Variants in DOCK8 observed in about 807,000 individuals in gnomAD.
DOCK8 encodes the protein dedicator of cytokinesis 8.
In DOCK8, 141 loss-of-function variants were observed where a neutral mutation model predicts 245.6. That is an observed-to-expected ratio of 0.57 (90% CI 0.50 to 0.66). The LOEUF is 0.66. DOCK8 is among the 30% of genes least tolerant of loss of function. The pLI is 0.00. For synonymous variants in DOCK8, 1,168 were observed against 970.2 expected, an observed-to-expected ratio of 1.20 and a Z score of -3.79; for missense variants, 2,965 against 2,603.4, an observed-to-expected ratio of 1.14 and a Z score of -3.02.
At chr9:298,256 C>G (rs2049353415) in intron 4 of DOCK8, among the ~76,000 whole-genome samples, 1 of 152,116 alleles carries the variant, frequency 6.6e-6, no homozygotes, top group African/African-American at 2.4e-5. Context: ...AAAACCCCGT[C>G]TCTACTAAAA....
chr9:449,996 C>G lies in DOCK8; in HGVS notation c.5961+69C>G, dbSNP rs2057378113. 10 of 1,559,530 alleles carry G rather than the reference C, an allele frequency of 6.4e-6. No homozygotes were observed. The East Asian group carries it at 2.2e-4, about 35-fold the overall frequency. ...TAGGTTGTCATTATACGTCTGCACC[C>G]TTCTTCCTTGGGGTTGATGAGGACT... On this transcript the variant is annotated intron_variant, in intron 45 of 47. Transcript: ENST00000432829.
intron 46 of DOCK8, among the ~76,000 whole-genome samples, chr9:458,890 A>G (rs893125191): frequency 2.6e-5 from 4 of 152,168 alleles, no homozygotes; most frequent in Admixed American, 2.6e-4. Context: ...CCTTAACTCT[A>G]TAAATGGAGG....
At chr9:291,775 A>T (rs2049049573) in intron 4 of DOCK8, among the ~76,000 whole-genome samples, 1 of 151,696 alleles carries the variant, frequency 6.6e-6, no homozygotes, top group South Asian at 2.1e-4. Context: ...ACTAGATCAA[A>T]CATTATGCCG....
At chr9:313,743 G>T (rs1225547301) in intron 6 of DOCK8, among the ~76,000 whole-genome samples, 3 of 152,240 alleles carry the variant, frequency 2.0e-5, no homozygotes, top group East Asian at 3.9e-4. Flanking sequence ...CTTTAAAAAA[G>T]GATTTTTAAT....
intron 1 of DOCK8, among the ~76,000 whole-genome samples, chr9:255,449 C>T (rs142196051): frequency 0.018 from 2,729 of 152,184 alleles, 44 homozygotes; most frequent in South Asian, 0.048. Flanking sequence ...GGGCAGATCA[C>T]CTGAGGTCAG....
chr9:356,372 C>CA lies in DOCK8; in HGVS notation c.1680-11638dup, dbSNP rs568610340. ...TGAAACCCCGTCTCTACTAAAAATA[C>CA]AAAAAAAACTAGCCAGGCGTGGTAG... On this transcript the variant is annotated intron_variant, in intron 14 of 47. Coordinates refer to ENST00000432829, the MANE Select transcript of DOCK8 (RefSeq NM_203447.4). Among the ~76,000 whole-genome samples the CA allele has an allele frequency of 4.3e-3, 649 of 151,524 alleles. 5 individuals carry two copies. Among genetic ancestry groups the CA allele is most frequent in the African/African-American group, 0.015 (639 of 41,372 alleles).
At chr9:395,179 C>T (rs2054389677) in intron 24 of DOCK8, among the ~76,000 whole-genome samples, 1 of 152,154 alleles carries the variant, frequency 6.6e-6, no homozygotes, top group African/African-American at 2.4e-5. Flanking sequence ...GATATGAAGC[C>T]ATCTCTGTGT....
intron 1 of DOCK8, among the ~76,000 whole-genome samples, chr9:230,299 A>ATAG (rs1353651801): frequency 1.6e-5 from 2 of 123,858 alleles, no homozygotes; most frequent in Non-Finnish European, 3.1e-5. Context: ...AATCCAGTCT[A>ATAG]TCGTTGGGCA....
In DOCK8 at chr9:224,028, C is replaced by T. The variant is rs550932067; in HGVS notation, c.53+8999C>T. On this transcript the variant is annotated intron_variant, in intron 1 of 47. Transcript: ENST00000432829. ...AAGATAACATATAGCCGTGAAATAA[C>T]GGAGCTGATTTTTAGGTACCTTGTC... is the stretch of plus-strand genomic sequence containing the variant. Among the ~76,000 whole-genome samples, 118 of 152,176 alleles carry T rather than the reference C, an allele frequency of 7.8e-4. 1 individual carries two copies. Among genetic ancestry groups the T allele is most frequent in the South Asian group, 6.2e-3 (30 of 4,812 alleles).
intron 28 of DOCK8, among the ~76,000 whole-genome samples, chr9:410,063 G>A (rs906330342): frequency 6.6e-6 from 1 of 152,076 alleles, no homozygotes; most frequent in Non-Finnish European, 1.5e-5. Flanking sequence ...GCGGCAAGAT[G>A]TATATTTTTA....
chr9:432,599 A>G (rs755493631), intron 37 of DOCK8, among the ~76,000 whole-genome samples: 6 of 152,110 alleles, frequency 3.9e-5, no homozygotes, highest in Non-Finnish European at 8.8e-5. Context: ...CATAAGTGCA[A>G]ACTGTGTGGT....
chr9:423,683 G>A (rs7039402), intron 33 of DOCK8, among the ~76,000 whole-genome samples: 8 of 152,108 alleles, frequency 5.3e-5, no homozygotes, highest in African/African-American at 1.9e-4. Flanking sequence ...TTTGCTTTGG[G>A]TATGTTATTC....
intron 14 of DOCK8, among the ~76,000 whole-genome samples, chr9:347,306 C>A (rs1467775164): frequency 6.6e-6 from 1 of 152,058 alleles, no homozygotes; most frequent in Non-Finnish European, 1.5e-5. Context: ...GAGTTCAAGA[C>A]CAGCCTAGGC....
chr9:228,958 C>A (rs890076767), intron 1 of DOCK8, among the ~76,000 whole-genome samples: 3 of 152,158 alleles, frequency 2.0e-5, no homozygotes, highest in African/African-American at 7.2e-5. Context: ...TCTTGTTGTT[C>A]AGAAACCTAG....
intron 28 of DOCK8, among the ~76,000 whole-genome samples, chr9:414,071 G>A (rs1186202374): frequency 6.6e-6 from 1 of 151,884 alleles, no homozygotes; most frequent in Non-Finnish European, 1.5e-5. Context: ...GAACCCAGGA[G>A]GTGGAGGTTG....
chr9:447,998 A>G (rs1200384095), intron 44 of DOCK8, among the ~76,000 whole-genome samples: 2 of 146,384 alleles, frequency 1.4e-5, no homozygotes, highest in East Asian at 4.4e-4. Context: ...ATGGTGCCCA[A>G]AAGCATTTCA....
intron 26 of DOCK8, 67 bp from the exon 27 acceptor site, chr9:404,851 T>C: frequency 1.9e-6 from 3 of 1,569,562 alleles, no homozygotes; most frequent in East Asian, 2.2e-5. Context: ...TATTTTTGTG[T>C]CTGCCAACCT....
chr9:328,047 T>A lies in DOCK8; in HGVS notation c.920T>A (p.Leu307Gln). Residue 307 changes from leucine (L) to glutamine (Q), a missense_variant, in exon 9 of 48, where the codon CTG (leucine) becomes CAG (glutamine). Transcript: ENST00000432829. ...ATCTCAGAAAATTTTCACTGTGACC[T>A]GAACTCTGACCAGTTCAAAGGATTT... ...KKISENFHCDLNSDQFKGFLR... is the reference protein window; with the variant it reads ...KKISENFHCDQNSDQFKGFLR... 6.2e-7 allele frequency: 1 copy of A among 1,614,192 alleles called. No individual in the cohort carries two copies. The highest frequency in any genetic ancestry group is 8.5e-7 in the Non-Finnish European group (1 of 1,180,002).
chr9:304,645 A>G lies in DOCK8; in HGVS notation c.469A>G (p.Thr157Ala). 1.2e-6 allele frequency: 2 copies of G among 1,614,190 alleles called. No homozygotes were observed. Among genetic ancestry groups the G allele is most frequent in the South Asian group, 1.1e-5 (1 of 91,088 alleles). ...TGGATCTCGAAAAGATTTTCACAAG[A>G]CGCTTCCGAAACAGACGTTTGAGTC... ...KTGSRKDFHK[T>A]LPKQTFESET... Residue 157 changes from threonine (T) to alanine (A), a missense_variant, in exon 5 of 48, where the codon ACG (threonine) becomes GCG (alanine). Physicochemically the swap from Thr to Ala is moderately conservative, Grantham distance 58 (BLOSUM62 0). Coordinates refer to ENST00000432829, the MANE Select transcript of DOCK8 (RefSeq NM_203447.4).
Sources: gnomAD v4.1 joint callset for allele counts (sites outside exome capture counted in the v4.1 genomes callset) on GRCh38, gnomAD v4.1.1 for gene constraint, MANE v1.5 for transcripts, NCBI Gene and HGNC (gene_info 2026-07-23, HGNC 2026-07-21) for gene names.